FSCN1: variants seen among roughly 807,000 people sequenced by gnomAD.
FSCN1 encodes fascin actin-bundling protein 1.
A neutral mutation model predicts 39.7 loss-of-function variants in FSCN1; 10 were observed. The observed-to-expected ratio is 0.25, with a 90% confidence interval of 0.16 to 0.43. FSCN1 has a LOEUF of 0.43. Ranked by LOEUF, FSCN1 falls within the 20% of genes least tolerant of loss-of-function variation. FSCN1 has a pLI of 1.00. For missense variants in FSCN1, 525 were observed against 723.8 expected, an observed-to-expected ratio of 0.73 and a Z score of 3.15; for synonymous variants, 322 against 320.0, an observed-to-expected ratio of 1.01 and a Z score of -0.07.
chr7:5,603,168 C>T lies in FSCN1; in HGVS notation c.833-89C>T, dbSNP rs547043254. 4.3e-5 allele frequency: 63 copies of T among 1,455,958 alleles called. No homozygotes were observed. The East Asian group carries it at 1.0e-3, about 24-fold the overall frequency. 90.2% of individuals were successfully genotyped at this position (1,455,958 alleles called of 1,614,324 possible). A position where few individuals can be genotyped will look rare whatever the true frequency, so the allele number is the denominator to read the frequency against. Reference sequence around the variant, plus strand: ...CACCCCACCCCGTGGTGTTACCTTGCGTGTGTAGTTCTGTGAGCTCAGGGC... The same window carrying T: ...CACCCCACCCCGTGGTGTTACCTTGTGTGTGTAGTTCTGTGAGCTCAGGGC... On this transcript the variant is annotated intron_variant, in intron 1 of 4. Coordinates refer to ENST00000382361, the MANE Select transcript of FSCN1 (RefSeq NM_003088.4). This position sits in a 1 kb window ranked among gnomAD's most constrained non-coding sequence, Gnocchi z 8.5.
chr7:5,595,061 T>A (rs1225193464), intron 1 of FSCN1, among the ~76,000 whole-genome samples: 1 of 152,132 alleles, frequency 6.6e-6, no homozygotes, highest in Admixed American at 6.5e-5. Context: ...TGGGGGGATC[T>A]TTTTCCCTGG....
Position 5,593,006 on chromosome 7 carries a change from C to G in FSCN1, c.70C>G (p.Leu24Val), listed in dbSNP as rs1785660747. The G allele has an allele frequency of 6.3e-7, 1 of 1,596,034 alleles. No homozygotes were observed. Among genetic ancestry groups the G allele is most frequent in the Non-Finnish European group, 8.5e-7 (1 of 1,171,614 alleles). Reference sequence around the variant, plus strand: ...CCTCATCAACTGCGGCAACAAGTACCTGACGGCCGAGGCGTTCGGGTTCAA... The same window carrying G: ...CCTCATCAACTGCGGCAACAAGTACGTGACGGCCGAGGCGTTCGGGTTCAA... ...FGLINCGNKY[L>V]TAEAFGFKVN... is the part of the protein sequence containing the mutation. The change falls in exon 1 of 5, where the codon CTG becomes GTG. Residue 24 changes from leucine (L) to valine (V), a missense_variant. By Grantham distance (32) the Leu-to-Val change is conservative. Coordinates refer to ENST00000382361, the MANE Select transcript of FSCN1 (RefSeq NM_003088.4).
chr7:5,602,372 T>C (rs1015850465), intron 1 of FSCN1, among the ~76,000 whole-genome samples: 2 of 152,126 alleles, frequency 1.3e-5, no homozygotes, highest in African/African-American at 4.8e-5. Context: ...AAGGAACATG[T>C]ACCATCGTGT....
Position 5,592,852 on chromosome 7 carries a change from G to T in FSCN1, c.-85G>T. On this transcript the variant is annotated 5_prime_UTR_variant, in exon 1 of 5. Transcript: ENST00000382361. The surrounding 1 kb of genome is among the most constrained non-coding windows in gnomAD (Gnocchi z 5.3). The stretch of plus-strand genomic sequence containing the variant: ...CGGAGGGTGCGTGCGGGCCGCGGCA[G>T]CCGAACAAAGGAGCAGGGGCGCCGC... 1.3e-6 allele frequency: 1 copy of T among 780,542 alleles called. No homozygotes were observed. Among genetic ancestry groups the T allele is most frequent in the Non-Finnish European group, 2.0e-6 (1 of 502,586 alleles). 48.4% of individuals were successfully genotyped at this position (780,542 alleles called of 1,614,324 possible).
Position 5,593,651 on chromosome 7 carries a change from A to T in FSCN1, c.715A>T (p.Thr239Ser). The change falls in exon 1 of 5, where the codon ACG becomes TCG. Residue 239 changes from threonine (T) to serine (S), a missense_variant. This residue lies in a region of FSCN1 where 4 missense variants were observed against 21.3 expected (regional missense o/e 0.19). Transcript: ENST00000382361. The stretch of plus-strand genomic sequence containing the variant: ...CCTGGCGCCGTCGGGGCCCAGCGGC[A>T]CGCTCAAGGCGGGCAAGGCCACCAA... ...RYLAPSGPSGTLKAGKATKVG... is the reference protein window; with the variant it reads ...RYLAPSGPSGSLKAGKATKVG... The T allele has an allele frequency of 6.3e-7, 1 of 1,578,868 alleles. No individual in the cohort carries two copies. Among genetic ancestry groups the T allele is most frequent in the African/African-American group, 1.3e-5 (1 of 74,126 alleles).
chr7:5,596,443 G>A (rs1190022588), intron 1 of FSCN1, among the ~76,000 whole-genome samples: 6 of 152,240 alleles, frequency 3.9e-5, no homozygotes, highest in Non-Finnish European at 8.8e-5. Context: ...CCCTGGGCAG[G>A]GGCTTTCAGC....
At position 5,593,258 on chromosome 7, in the gene FSCN1, C is replaced by T; in HGVS notation, c.322C>T (p.His108Tyr). 6.2e-7 allele frequency: 1 copy of T among 1,609,278 alleles called. No individual in the cohort carries two copies. The highest frequency in any genetic ancestry group is 1.3e-5 in the African/African-American group (1 of 74,972). The change falls in exon 1 of 5, where the codon CAC becomes TAC. Residue 108 changes from histidine to tyrosine, a missense_variant. His to Tyr is a moderately conservative substitution (Grantham distance 83). Transcript: ENST00000382361. The part of the protein sequence containing the change: ...DGRWSLQSEA[H>Y]RRYFGGTEDR... ...TCGCTGGTCGCTGCAGTCCGAGGCG[C>T]ACCGGCGCTACTTCGGCGGCACCGA...
At chr7:5,594,134 C>T in intron 1 of FSCN1, 1 of 251,090 alleles carries the variant, frequency 4.0e-6, no homozygotes. Flanking sequence ...GAGCCCCTCA[C>T]CCATTTCCTC....
In FSCN1 at chr7:5,605,385, G is replaced by T; in HGVS notation, c.1393G>T (p.Val465Leu). 6.2e-7 allele frequency: 1 copy of T among 1,613,804 alleles called. No homozygotes were observed. Among genetic ancestry groups the T allele is most frequent in the Non-Finnish European group, 8.5e-7 (1 of 1,179,896 alleles). The change falls in exon 5 of 5, where the codon GTG becomes TTG. Residue 465 changes from valine to leucine, a missense_variant. Coordinates refer to ENST00000382361, the MANE Select transcript of FSCN1 (RefSeq NM_003088.4). This position sits in a 1 kb window ranked among gnomAD's most constrained non-coding sequence, Gnocchi z 6.9. The stretch of plus-strand genomic sequence containing the variant: ...CGACTATAACAAGGTGGCCATCAAG[G>T]TGGGCGGGCGCTACCTGAAGGGCGA... ...FCDYNKVAIKVGGRYLKGDHA... is the reference protein window; with the variant it reads ...FCDYNKVAIKLGGRYLKGDHA...
At chr7:5,604,401 G>T (rs1785894706) in intron 4 of FSCN1, among the ~76,000 whole-genome samples, 1 of 152,058 alleles carries the variant, frequency 6.6e-6, no homozygotes, top group African/African-American at 2.4e-5. Context: ...ACGCGCCTCG[G>T]TTATGGGACT....
chr7:5,597,197 C>T (rs1785744708), intron 1 of FSCN1, among the ~76,000 whole-genome samples: 1 of 152,194 alleles, frequency 6.6e-6, no homozygotes, highest in Admixed American at 6.5e-5. Context: ...GGCAAAACCT[C>T]TGTCTACAAA....
rs146973710 is a variant in FSCN1 at position 5,599,212 on chromosome 7, C to T, written c.833-4045C>T. 0.01 allele frequency among the ~76,000 whole-genome samples: 1,563 copies of T among 152,110 alleles called. 23 individuals are homozygous for T. The highest frequency in any genetic ancestry group is 0.035 in the African/African-American group (1,459 of 41,480). On this transcript the variant is annotated intron_variant, in intron 1 of 4. Transcript: ENST00000382361. The surrounding 1 kb of genome is among the most constrained non-coding windows in gnomAD (Gnocchi z 5.6). ...CAGCCCACCCAGTGCGGTGGATGCT[C>T]GTCGGAGGGCAGAGGGTGGGCTACC...
In FSCN1 at chr7:5,605,442, A is replaced by G; in HGVS notation, c.1450A>G (p.Thr484Ala). ...AGGCGTCCTGAAGGCCTCGGCGGAAACCGTGGACCCCGCCTCGCTCTGGGA... is the reference window on the plus strand; with the variant it reads ...AGGCGTCCTGAAGGCCTCGGCGGAAGCCGTGGACCCCGCCTCGCTCTGGGA... ...HAGVLKASAE[T>A]VDPASLWEY Residue 484 changes from threonine (T) to alanine (A), a missense_variant, in exon 5 of 5, where the codon ACC becomes GCC. Around this residue, in one of 3 missense-constraint regions of FSCN1, gnomAD observed 275 missense variants for 351.9 expected, o/e 0.78. Coordinates refer to ENST00000382361, the MANE Select transcript of FSCN1 (RefSeq NM_003088.4). This position sits in a 1 kb window ranked among gnomAD's most constrained non-coding sequence, Gnocchi z 6.9. 3 of 1,601,836 alleles carry G rather than the reference A, an allele frequency of 1.9e-6. No homozygotes were observed. Among genetic ancestry groups the G allele is most frequent in the Non-Finnish European group, 2.6e-6 (3 of 1,174,558 alleles).
At chr7:5,601,255 T>C (rs1785825770) in intron 1 of FSCN1, among the ~76,000 whole-genome samples, 1 of 141,550 alleles carries the variant, frequency 7.1e-6, no homozygotes, top group Non-Finnish European at 1.5e-5. Flanking sequence ...CAGGCTGGAG[T>C]GCAGTGGTGC....
chr7:5,604,920 A>T (rs768883807), intron 4 of FSCN1, among the ~76,000 whole-genome samples: 6 of 152,062 alleles, frequency 3.9e-5, no homozygotes, highest in African/African-American at 1.2e-4. Context: ...TATAGGTGTG[A>T]GCCACCACAC....
At chr7:5,595,410 C>T (rs963314561) in intron 1 of FSCN1, among the ~76,000 whole-genome samples, 3 of 152,218 alleles carry the variant, frequency 2.0e-5, no homozygotes, top group African/African-American at 7.2e-5. Context: ...GCGGGCAGAG[C>T]TCCTCACCTG....
chr7:5,597,138 G>A (rs931006062), intron 1 of FSCN1, among the ~76,000 whole-genome samples: 3 of 152,196 alleles, frequency 2.0e-5, no homozygotes, highest in African/African-American at 7.2e-5. Flanking sequence ...TTCGGCCAAG[G>A]AGGGAAGATG....
chr7:5,604,034 G>T lies in FSCN1; in HGVS notation c.1279+4G>T. 6.2e-7 allele frequency: 1 copy of T among 1,612,796 alleles called. No individual in the cohort carries two copies. The highest frequency in any genetic ancestry group is 1.1e-5 in the South Asian group (1 of 91,052). ...GATGGCGCCTACAACATCAAAGGCA[G>T]GTTCTCCTGTGGGCAGCTGCTGGGC... On this transcript the variant is annotated splice_donor_region_variant and intron_variant, in intron 4 of 4. Coordinates refer to ENST00000382361, the MANE Select transcript of FSCN1 (RefSeq NM_003088.4).
chr7:5,605,564 C>T lies in FSCN1; in HGVS notation c.*90C>T, dbSNP rs775096381. 1.7e-4 allele frequency: 173 copies of T among 1,004,354 alleles called. No individual in the cohort carries two copies. The highest frequency in any genetic ancestry group is 2.1e-4 in the Non-Finnish European group (147 of 696,462). The allele number at this position is 1,004,354 out of a possible 1,614,324, so 62.2% of individuals were successfully genotyped here. A position where few individuals can be genotyped will look rare whatever the true frequency, so the allele number is the denominator to read the frequency against. On this transcript the variant is annotated 3_prime_UTR_variant, in exon 5 of 5. Coordinates refer to ENST00000382361, the MANE Select transcript of FSCN1 (RefSeq NM_003088.4). The surrounding 1 kb of genome is among the most constrained non-coding windows in gnomAD (Gnocchi z 6.9). ...CTTCTCCGCCAGGTGGGCTCCAGGGCGGGAGGCAAGCCCCCTTGCCTTTCA... is the reference window on the plus strand; with the variant it reads ...CTTCTCCGCCAGGTGGGCTCCAGGGTGGGAGGCAAGCCCCCTTGCCTTTCA...
Sources: allele counts gnomAD v4.1 joint callset (sites outside exome capture counted in the v4.1 genomes callset), GRCh38; gene constraint gnomAD v4.1.1; regional missense constraint gnomAD v4.1.1; non-coding constraint Gnocchi (gnomAD v3.1); transcripts MANE v1.5; gene names NCBI Gene and HGNC (gene_info 2026-07-23, HGNC 2026-07-21).